The following STK32B variants were observed in gnomAD, a reference collection of about 807,000 sequenced individuals.
STK32B encodes serine/threonine-protein kinase 32B.
A neutral mutation model predicts 52.6 loss-of-function variants in STK32B; 43 were observed. The ratio of observed to expected loss-of-function variants is 0.82; its 90% CI spans 0.64 to 1.05. The LOEUF is 1.05. STK32B is among the 50% of genes least tolerant of loss of function. STK32B has a pLI of 0.00. For missense variants in STK32B, 621 were observed against 534.6 expected (o/e 1.16, Z -1.59); for synonymous variants, 238 against 204.3 (o/e 1.17, Z -1.41).
Position 5,190,529 on chromosome 4 carries a change from C to T in STK32B, c.260+22079C>T, listed in dbSNP as rs143614376. Among the ~76,000 whole-genome samples the T allele has an allele frequency of 3.0e-3, 457 of 152,236 alleles. 3 individuals are homozygous for T. The highest frequency in any genetic ancestry group is 0.011 in the African/African-American group (437 of 41,556). On this transcript the variant is annotated intron_variant, in intron 3 of 11. Transcript: ENST00000282908. ...GGGTTCATTTATTCAACACATTAAG[C>T]ACCTACTATGTACTGGGCACTGTCC... is the stretch of plus-strand genomic sequence containing the variant.
At chr4:5,149,092 T>C (rs1373370229) in intron 2 of STK32B, among the ~76,000 whole-genome samples, 1 of 151,912 alleles carries the variant, frequency 6.6e-6, no homozygotes, top group Non-Finnish European at 1.5e-5. Flanking sequence ...CTTAAAACGC[T>C]GTGTAAAGTT....
At position 5,398,907 on chromosome 4, in the gene STK32B, C is replaced by T. The variant is rs1355971753; in HGVS notation, c.472+663C>T. Among the ~76,000 whole-genome samples the T allele has an allele frequency of 1.3e-5, 2 of 152,224 alleles. No individual in the cohort carries two copies. The highest frequency in any genetic ancestry group is 1.3e-4 in the Admixed American group (2 of 15,288). ...CACCTTGAGTAGCAAGGCACCAAGT[C>T]AGTGGCTCTCCAACTCTGGCCTTAC... On this transcript the variant is annotated intron_variant, in intron 5 of 11. Transcript: ENST00000282908. The surrounding 1 kb of genome is among the most constrained non-coding windows in gnomAD (Gnocchi z 4.9).
intron 2 of STK32B, among the ~76,000 whole-genome samples, chr4:5,148,343 T>C (rs931785854): frequency 1.3e-5 from 2 of 151,806 alleles, no homozygotes; most frequent in East Asian, 1.9e-4. Context: ...AGGTCATTGA[T>C]TTTAGACATT....
At chr4:5,102,470 TTCCTTCCTTCCTTCCTTCCTTCCC>T (rs1713846719) in intron 1 of STK32B, among the ~76,000 whole-genome samples, 1 of 132,168 alleles carries the variant, frequency 7.6e-6, no homozygotes, top group African/African-American at 2.9e-5. Flanking sequence ...CCTTCCTTCC[TTCCTTCCTTCCTTCCTTCCTTCCC>T]TCCCTCCCTC....
At chr4:5,494,389 G>A (rs1422238454) in intron 11 of STK32B, among the ~76,000 whole-genome samples, 6 of 151,030 alleles carry the variant, frequency 4.0e-5, no homozygotes, top group Non-Finnish European at 8.8e-5. Context: ...CAGAGATTGG[G>A]ATTGCAACCC....
At chr4:5,155,644 C>G (rs759145667) in intron 2 of STK32B, among the ~76,000 whole-genome samples, 8 of 152,074 alleles carry the variant, frequency 5.3e-5, no homozygotes, top group Non-Finnish European at 5.9e-5. Context: ...GCGGTTTCCC[C>G]CATGCTGTTC....
chr4:5,257,082 AGTGAAT>A (rs1726363917), intron 3 of STK32B, among the ~76,000 whole-genome samples: 1 of 145,326 alleles, frequency 6.9e-6, no homozygotes, highest in African/African-American at 2.9e-5. Flanking sequence ...TGAATAAGTG[AGTGAAT>A]GAATGAATGA....
chr4:5,213,864 A>G (rs945155185), intron 3 of STK32B, among the ~76,000 whole-genome samples: 1 of 152,210 alleles, frequency 6.6e-6, no homozygotes, highest in Non-Finnish European at 1.5e-5. Flanking sequence ...AAATGTTTCA[A>G]TGAGATTAAA....
At chr4:5,269,286 G>T (rs1408846112) in intron 3 of STK32B, among the ~76,000 whole-genome samples, 2 of 152,122 alleles carry the variant, frequency 1.3e-5, no homozygotes, top group African/African-American at 2.4e-5. Context: ...CAAAACCTCA[G>T]AATTCAAGAG....
chr4:5,044,312 T>C, the STK32B span, among the ~76,000 whole-genome samples: 1 of 152,136 alleles, frequency 6.6e-6, no homozygotes, highest in Non-Finnish European at 1.5e-5. Flanking sequence ...GACTCCCAAA[T>C]TGTAATTCCT....
intron 1 of STK32B, among the ~76,000 whole-genome samples, chr4:5,122,377 T>C (rs199677809): frequency 0.019 from 1,425 of 75,010 alleles, 26 homozygotes; most frequent in African/African-American, 0.061. Flanking sequence ...CATTCACTCA[T>C]TCATTCACTC....
chr4:5,339,827 G>C (rs528921358), intron 4 of STK32B, among the ~76,000 whole-genome samples: 1 of 152,226 alleles, frequency 6.6e-6, no homozygotes, highest in Non-Finnish European at 1.5e-5. Context: ...ATGAGAAAAT[G>C]TTCATAAAGA....
At chr4:5,471,383 A>G (rs906507044) in intron 11 of STK32B, among the ~76,000 whole-genome samples, 2 of 152,092 alleles carry the variant, frequency 1.3e-5, no homozygotes, top group African/African-American at 4.8e-5. Context: ...GGAGAAGGCC[A>G]CGGGAAGATT....
upstream of STK32B, among the ~76,000 whole-genome samples, chr4:5,050,495 G>A (rs954813105): frequency 1.3e-5 from 2 of 152,186 alleles, no homozygotes; most frequent in Non-Finnish European, 2.9e-5. Context: ...GAAAGAAGGG[G>A]AGAGAACTGG....
In STK32B at chr4:5,399,606, A is replaced by C. The variant is rs1253189826; in HGVS notation, c.472+1362A>C. ...CAAGGCTGGAAAGGAAGCGAAAGCAACGTCTCCAGTTTGTATCTAAAAGTC... is the reference window on the plus strand; with the variant it reads ...CAAGGCTGGAAAGGAAGCGAAAGCACCGTCTCCAGTTTGTATCTAAAAGTC... On this transcript the variant is annotated intron_variant, in intron 5 of 11. Coordinates refer to ENST00000282908, the MANE Select transcript of STK32B (RefSeq NM_018401.3). This position sits in a 1 kb window ranked among gnomAD's most constrained non-coding sequence, Gnocchi z 5.4. Among the ~76,000 whole-genome samples, 2 of 152,124 alleles carry C rather than the reference A, an allele frequency of 1.3e-5. No individual in the cohort carries two copies. Among genetic ancestry groups the C allele is most frequent in the Non-Finnish European group, 2.9e-5 (2 of 68,024 alleles).
intron 3 of STK32B, among the ~76,000 whole-genome samples, chr4:5,189,496 T>C (rs558784648): frequency 6.6e-6 from 1 of 152,368 alleles, no homozygotes; most frequent in South Asian, 2.1e-4. Context: ...CTCATTTCTT[T>C]TTAGTGACAA....
intron 3 of STK32B, among the ~76,000 whole-genome samples, chr4:5,212,024 G>A (rs889299684): frequency 5.3e-5 from 8 of 152,124 alleles, no homozygotes; most frequent in African/African-American, 1.2e-4. Context: ...TTCAACACTC[G>A]TGCAGCAAAT....
At chr4:5,225,697 A>G (rs1264081421) in intron 3 of STK32B, among the ~76,000 whole-genome samples, 1 of 152,188 alleles carries the variant, frequency 6.6e-6, no homozygotes, top group Non-Finnish European at 1.5e-5. Flanking sequence ...TTCTATGGCC[A>G]TTAGACAAGA....
rs372372198 is a variant in STK32B at position 5,221,381 on chromosome 4, G to A, written c.260+52931G>A. On this transcript the variant is annotated intron_variant, in intron 3 of 11. Coordinates refer to ENST00000282908, the MANE Select transcript of STK32B (RefSeq NM_018401.3). The stretch of plus-strand genomic sequence containing the variant: ...AGGAGTTGGTGGCCAAATTCCTATA[G>A]GATATAGGAGATAGGGAAGAGATGG... Among the ~76,000 whole-genome samples, 87 of 152,242 alleles carry A rather than the reference G, an allele frequency of 5.7e-4. 1 individual carries two copies. In the East Asian group the frequency reaches 0.016, roughly 28 times the overall value.
Sources: gnomAD v4.1 joint callset for allele counts (sites outside exome capture counted in the v4.1 genomes callset) on GRCh38, gnomAD v4.1.1 for gene constraint, Gnocchi (gnomAD v3.1) non-coding constraint, MANE v1.5 for transcripts, NCBI Gene and HGNC (gene_info 2026-07-23, HGNC 2026-07-21) for gene names.